Variants in C8orf34 observed in about 807,000 individuals in gnomAD.
The protein encoded by C8orf34 is chromosome 8 open reading frame 34.
A neutral mutation model predicts 68.3 loss-of-function variants in C8orf34; 65 were observed. The ratio of observed to expected loss-of-function variants is 0.95; its 90% CI spans 0.78 to 1.17. The LOEUF (loss-of-function observed/expected upper bound fraction) is 1.17. C8orf34 is among the 50% of genes most tolerant of loss of function. C8orf34 has a pLI of 0.00. For missense variants in C8orf34, 664 were observed against 655.4 expected, an observed-to-expected ratio of 1.01 and a Z score of -0.14; for synonymous variants, 244 against 241.2, an observed-to-expected ratio of 1.01 and a Z score of -0.11.
At chr8:68,466,846 G>A (rs1466063189) in intron 3 of C8orf34, among the ~76,000 whole-genome samples, 2 of 149,534 alleles carry the variant, frequency 1.3e-5, no homozygotes, top group African/African-American at 5.0e-5. Flanking sequence ...CATCATAATA[G>A]ATATTGCCAG....
At chr8:68,650,241 C>T (rs894905599) in intron 8 of C8orf34, among the ~76,000 whole-genome samples, 3 of 151,722 alleles carry the variant, frequency 2.0e-5, no homozygotes, top group African/African-American at 2.4e-5. Flanking sequence ...ATTAGGATGC[C>T]GACACACCAG....
chr8:68,420,003 C>G (rs796742022), intron 1 of C8orf34, among the ~76,000 whole-genome samples: 2 of 133,394 alleles, frequency 1.5e-5, no homozygotes, highest in East Asian at 2.2e-4. Flanking sequence ...AGAAAAAAGA[C>G]AAAAAAAAAA....
chr8:68,612,180 T>C (rs1818042856), intron 7 of C8orf34, among the ~76,000 whole-genome samples: 1 of 152,064 alleles, frequency 6.6e-6, no homozygotes, highest in South Asian at 2.1e-4. Context: ...CATTATCACT[T>C]CCCAAACTAA....
chr8:68,463,754 A>T (rs1377666299), intron 3 of C8orf34, among the ~76,000 whole-genome samples: 1 of 152,226 alleles, frequency 6.6e-6, no homozygotes, highest in Non-Finnish European at 1.5e-5. Flanking sequence ...CTTCATGCTA[A>T]AAGCTCTCAA....
intron 7 of C8orf34, among the ~76,000 whole-genome samples, chr8:68,589,503 G>C (rs1817307728): frequency 7.4e-6 from 1 of 135,524 alleles, no homozygotes; most frequent in Non-Finnish European, 1.6e-5. Context: ...GAAAGAGAGA[G>C]AACGAGAGAG....
intron 9 of C8orf34, among the ~76,000 whole-genome samples, chr8:68,709,437 C>T (rs1352181892): frequency 6.6e-6 from 1 of 152,180 alleles, no homozygotes. Flanking sequence ...TTCTCTGCCC[C>T]TTGTCACTTG....
chr8:68,534,099 A>G (rs964917469), intron 7 of C8orf34: 2 of 983,174 alleles, frequency 2.0e-6, no homozygotes, highest in African/African-American at 3.5e-5. Context: ...TATGGCAGTA[A>G]AATACTATCA....
intron 5 of C8orf34, among the ~76,000 whole-genome samples, chr8:68,492,712 C>T (rs1813367411): frequency 6.6e-6 from 1 of 151,958 alleles, no homozygotes; most frequent in Non-Finnish European, 1.5e-5. Context: ...TCATGTCATT[C>T]CCTTTTCTTT....
At chr8:68,463,252 A>G (rs951258383) in intron 3 of C8orf34, among the ~76,000 whole-genome samples, 1 of 130,240 alleles carries the variant, frequency 7.7e-6, no homozygotes, top group Non-Finnish European at 1.7e-5. Context: ...AAGAAGTTGA[A>G]TCTCTGAATA....
At chr8:68,484,739 C>T (rs1031366370) in intron 4 of C8orf34, among the ~76,000 whole-genome samples, 19 of 152,008 alleles carry the variant, frequency 1.2e-4, no homozygotes, top group African/African-American at 4.6e-4. Context: ...CTCTGTGAAG[C>T]GTTTCATTAA....
Position 68,744,022 on chromosome 8 carries a change from T to C in C8orf34, c.1404+22585T>C, listed in dbSNP as rs1411722646. Reference sequence around the variant, plus strand: ...GAAGAGAGCAGTGGTTCTCCCAGCATGCAGCTGGAGATCTGAGAACGGGCA... The same window carrying C: ...GAAGAGAGCAGTGGTTCTCCCAGCACGCAGCTGGAGATCTGAGAACGGGCA... On this transcript the variant is annotated intron_variant, in intron 10 of 13. Transcript: ENST00000518698. 4.6e-5 allele frequency among the ~76,000 whole-genome samples: 7 copies of C among 152,078 alleles called. No individual in the cohort carries two copies. The East Asian group carries it at 9.7e-4, about 21-fold the overall frequency.
At chr8:68,767,244 C>T (rs887804618) in intron 10 of C8orf34, among the ~76,000 whole-genome samples, 4 of 152,034 alleles carry the variant, frequency 2.6e-5, no homozygotes, top group Admixed American at 1.3e-4. Context: ...CTAAGAAAAC[C>T]CATCAGTATT....
intron 6 of C8orf34, among the ~76,000 whole-genome samples, chr8:68,522,594 C>T (rs898145061): frequency 2.4e-4 from 37 of 152,110 alleles, no homozygotes; most frequent in South Asian, 2.1e-4. Flanking sequence ...ATTTACTTTA[C>T]GTGCCCATGT....
intron 9 of C8orf34, among the ~76,000 whole-genome samples, chr8:68,716,315 A>G (rs991587136): frequency 1.3e-5 from 2 of 152,172 alleles, no homozygotes; most frequent in African/African-American, 4.8e-5. Flanking sequence ...CCTATTGAAA[A>G]AAATTAAAAA....
intron 5 of C8orf34, among the ~76,000 whole-genome samples, chr8:68,489,607 ACT>A (rs1393147719): frequency 6.6e-6 from 1 of 152,168 alleles, no homozygotes; most frequent in African/African-American, 2.4e-5. Flanking sequence ...TTTGACTGCG[ACT>A]CATCACACGA....
intron 7 of C8orf34, among the ~76,000 whole-genome samples, chr8:68,552,503 A>G (rs1314402253): frequency 6.6e-6 from 1 of 152,158 alleles, no homozygotes; most frequent in Non-Finnish European, 1.5e-5. Flanking sequence ...GACAGTGTGT[A>G]GAACATAATT....
chr8:68,813,402 C>T (rs1824715160), intron 12 of C8orf34, among the ~76,000 whole-genome samples: 1 of 151,794 alleles, frequency 6.6e-6, no homozygotes, highest in South Asian at 2.1e-4. Context: ...TATCCTTGGC[C>T]ACCCTCCCTT....
chr8:68,812,765 A>C (rs555507281), intron 12 of C8orf34, among the ~76,000 whole-genome samples: 1 of 152,276 alleles, frequency 6.6e-6, no homozygotes, highest in Non-Finnish European at 1.5e-5. Context: ...TTTAGTTCAA[A>C]TTGGTTACGT....
chr8:68,752,206 T>C lies in C8orf34; in HGVS notation c.1405-24193T>C, dbSNP rs1175154648. Among the ~76,000 whole-genome samples the C allele has an allele frequency of 5.3e-5, 8 of 152,316 alleles. No individual in the cohort carries two copies. The South Asian group carries it at 1.2e-3, about 24-fold the overall frequency. Reference sequence around the variant, plus strand: ...TCTTCCAGTTCTTCCTCATTTAGAGTGATCAAAATTTGATTCCTTTTACCT... The same window carrying C: ...TCTTCCAGTTCTTCCTCATTTAGAGCGATCAAAATTTGATTCCTTTTACCT... On this transcript the variant is annotated intron_variant, in intron 10 of 13. Transcript: ENST00000518698.
Sources: gnomAD v4.1 joint callset for allele counts (sites outside exome capture counted in the v4.1 genomes callset) on GRCh38, gnomAD v4.1.1 for gene constraint, MANE v1.5 for transcripts, NCBI Gene and HGNC (gene_info 2026-07-23, HGNC 2026-07-21) for gene names.